SEMA5A: variants seen among roughly 807,000 people sequenced by gnomAD.
The protein encoded by SEMA5A is semaphorin-5A.
In SEMA5A, 55 loss-of-function variants were observed where a neutral mutation model predicts 135.5. The ratio of observed to expected loss-of-function variants is 0.41; its 90% CI spans 0.33 to 0.51. The LOEUF (loss-of-function observed/expected upper bound fraction) is 0.51. SEMA5A is among the 20% of genes least tolerant of loss of function. The pLI, the probability that SEMA5A is intolerant of heterozygous loss-of-function variation, is 0.37. For missense variants in SEMA5A, 1,290 were observed against 1,419.9 expected, an observed-to-expected ratio of 0.91 and a Z score of 1.47; for synonymous variants, 580 against 546.5, an observed-to-expected ratio of 1.06 and a Z score of -0.85.
chr5:9,343,362 C>A (rs1753732233), intron 3 of SEMA5A, among the ~76,000 whole-genome samples: 1 of 152,152 alleles, frequency 6.6e-6, no homozygotes, highest in Non-Finnish European at 1.5e-5. Flanking sequence ...AACCACTCAA[C>A]TCCAATACAG....
intron 3 of SEMA5A, among the ~76,000 whole-genome samples, chr5:9,339,408 G>T (rs918962901): frequency 6.6e-6 from 1 of 152,038 alleles, no homozygotes; most frequent in Non-Finnish European, 1.5e-5. Flanking sequence ...GGCCATAACT[G>T]GTATCACTCA....
intron 16 of SEMA5A, among the ~76,000 whole-genome samples, chr5:9,091,402 G>A (rs1739027109): frequency 6.6e-6 from 1 of 152,138 alleles, no homozygotes; most frequent in Admixed American, 6.5e-5. Context: ...CTGTAGAGCT[G>A]AGGATGACAA....
intron 2 of SEMA5A, among the ~76,000 whole-genome samples, chr5:9,413,480 T>C (rs1757175377): frequency 6.6e-6 from 1 of 152,200 alleles, no homozygotes; most frequent in South Asian, 2.1e-4. Context: ...CGGGCTGTTA[T>C]ACACTGGCAT....
intron 14 of SEMA5A, 127 bp from the exon 15 acceptor site, chr5:9,119,268 C>T: frequency 1.7e-6 from 2 of 1,148,726 alleles, no homozygotes; most frequent in Non-Finnish European, 2.5e-6. Flanking sequence ...GGAGAGAAAA[C>T]ACCAGCCAGG....
At chr5:9,116,631 T>C (rs1004137584) in intron 15 of SEMA5A, among the ~76,000 whole-genome samples, 2 of 152,206 alleles carry the variant, frequency 1.3e-5, no homozygotes, top group Non-Finnish European at 2.9e-5. Context: ...TTAGGGAATC[T>C]TTTGGGAAGA....
At position 9,307,751 on chromosome 5, in the gene SEMA5A, A is replaced by T. The variant is rs533089037; in HGVS notation, c.270+10621T>A. 4.6e-5 allele frequency among the ~76,000 whole-genome samples: 7 copies of T among 152,248 alleles called. No individual in the cohort carries two copies. The East Asian group carries it at 9.7e-4, about 21-fold the overall frequency. On this transcript the variant is annotated intron_variant, in intron 5 of 22. Coordinates refer to ENST00000382496, the MANE Select transcript of SEMA5A (RefSeq NM_003966.3). ...AGCAGTCATGGCACTTATGGGGGCC[A>T]TTTTTGACATAGAAGGAGAAATGCA... is the stretch of plus-strand genomic sequence containing the variant.
At chr5:9,335,352 C>G (rs1228574231) in intron 4 of SEMA5A, among the ~76,000 whole-genome samples, 1 of 152,164 alleles carries the variant, frequency 6.6e-6, no homozygotes, top group Non-Finnish European at 1.5e-5. Flanking sequence ...CCATCCACAG[C>G]CAGAACAGGA....
At chr5:9,202,537 T>C (rs1745774944) in intron 8 of SEMA5A, among the ~76,000 whole-genome samples, 1 of 152,190 alleles carries the variant, frequency 6.6e-6, no homozygotes, top group African/African-American at 2.4e-5. Context: ...TGGCAGCAAA[T>C]ATTTGCAGTA....
chr5:9,044,109 G>A (rs374991714), intron 22 of SEMA5A, among the ~76,000 whole-genome samples: 20 of 152,190 alleles, frequency 1.3e-4, no homozygotes, highest in African/African-American at 4.6e-4. Flanking sequence ...GGGTCCAAGG[G>A]GAAAAGTCAA....
chr5:9,328,243 A>G, intron 4 of SEMA5A, among the ~76,000 whole-genome samples: 1 of 152,166 alleles, frequency 6.6e-6, no homozygotes. Flanking sequence ...TGCCATCATC[A>G]CTGCCTAAGT....
chr5:9,284,470 C>T (rs142031863), intron 5 of SEMA5A, among the ~76,000 whole-genome samples: 31 of 152,260 alleles, frequency 2.0e-4, no homozygotes, highest in African/African-American at 6.7e-4. Flanking sequence ...AGAAGGCAAC[C>T]GTTTGGGAGT....
chr5:9,422,581 C>T (rs1006979821), intron 2 of SEMA5A: 3 of 152,116 alleles, frequency 2.0e-5, no homozygotes, highest in South Asian at 2.1e-4. Flanking sequence ...TGCAGTCGAC[C>T]GAGAACTAGT....
chr5:9,232,398 A>T (rs1747677976), intron 6 of SEMA5A, among the ~76,000 whole-genome samples: 1 of 152,200 alleles, frequency 6.6e-6, no homozygotes, highest in East Asian at 1.9e-4. Flanking sequence ...AGAGCAATTT[A>T]CAGGAATTGC....
intron 3 of SEMA5A, among the ~76,000 whole-genome samples, chr5:9,365,835 T>C (rs1318453915): frequency 6.6e-6 from 1 of 152,170 alleles, no homozygotes; most frequent in Non-Finnish European, 1.5e-5. Context: ...TGCCTGTCTC[T>C]GAACACTGCC....
At chr5:9,337,217 A>C (rs1753429192) in intron 4 of SEMA5A, among the ~76,000 whole-genome samples, 1 of 152,214 alleles carries the variant, frequency 6.6e-6, no homozygotes, top group Non-Finnish European at 1.5e-5. Context: ...AAGGTAACAA[A>C]GAAAGGTGGT....
intron 1 of SEMA5A, among the ~76,000 whole-genome samples, chr5:9,509,379 A>G (rs1278870006): frequency 6.6e-6 from 1 of 152,082 alleles, no homozygotes; most frequent in African/African-American, 2.4e-5. Flanking sequence ...GGTTCAAGTG[A>G]TTCGCCTGTC....
At chr5:9,318,995 C>T (rs1217130405) in intron 4 of SEMA5A, among the ~76,000 whole-genome samples, 16 of 151,984 alleles carry the variant, frequency 1.1e-4, no homozygotes, top group Non-Finnish European at 1.9e-4. Context: ...TCCTGAGAGG[C>T]AGAGGTTGCC....
intron 5 of SEMA5A, among the ~76,000 whole-genome samples, chr5:9,284,430 A>G (rs1579279217): frequency 6.6e-6 from 1 of 152,212 alleles, no homozygotes; most frequent in Admixed American, 6.5e-5. Flanking sequence ...AAAAGTATCA[A>G]TGTAGGCACA....
intron 1 of SEMA5A, among the ~76,000 whole-genome samples, chr5:9,507,369 G>A (rs1398658053): frequency 6.6e-6 from 1 of 152,104 alleles, no homozygotes; most frequent in East Asian, 1.9e-4. Flanking sequence ...ACGACTTCCC[G>A]GTAACAGTTT....
Sources: gnomAD v4.1 joint callset for allele counts (sites outside exome capture counted in the v4.1 genomes callset) on GRCh38, gnomAD v4.1.1 for gene constraint, MANE v1.5 for transcripts, NCBI Gene and HGNC (gene_info 2026-07-23, HGNC 2026-07-21) for gene names.